COP1: variants seen among roughly 807,000 people sequenced by gnomAD.
COP1 encodes E3 ubiquitin-protein ligase COP1.
COP1 carries 24 observed loss-of-function variants against 101.3 expected under a neutral mutation model. That is an observed-to-expected ratio of 0.24 (90% CI 0.17 to 0.33). COP1 has a LOEUF of 0.33. Ranked by LOEUF, COP1 falls within the 10% of genes least tolerant of loss-of-function variation. The pLI, the probability that COP1 is intolerant of heterozygous loss-of-function variation, is 1.00. For synonymous variants in COP1, 347 were observed against 341.9 expected (o/e 1.01, Z -0.17); for missense variants, 663 against 906.2 (o/e 0.73, Z 3.45).
chr1:176,023,672 C>T (rs1236562218), intron 15 of COP1, among the ~76,000 whole-genome samples: 2 of 143,410 alleles, frequency 1.4e-5, no homozygotes, highest in South Asian at 2.2e-4. Context: ...GAGCTGAGAT[C>T]GTGCCATTGC....
chr1:176,095,572 T>C (rs1056655648), intron 9 of COP1, among the ~76,000 whole-genome samples: 5 of 151,932 alleles, frequency 3.3e-5, no homozygotes, highest in Admixed American at 6.6e-5. Context: ...GTCCCAGCTA[T>C]TGGGGAGGCT....
At chr1:176,007,945 C>A (rs567814059) in intron 15 of COP1, among the ~76,000 whole-genome samples, 22 of 152,308 alleles carry the variant, frequency 1.4e-4, no homozygotes, top group African/African-American at 5.3e-4. Flanking sequence ...CCCCCAGCCT[C>A]GCTGCCGCCT....
chr1:176,069,831 G>A (rs1676657318), intron 11 of COP1, among the ~76,000 whole-genome samples: 2 of 152,172 alleles, frequency 1.3e-5, no homozygotes, highest in South Asian at 4.1e-4. Context: ...AAGATCTCAT[G>A]ATCTAATCCA....
At chr1:175,990,543 T>A (rs1658155446) in intron 15 of COP1, among the ~76,000 whole-genome samples, 1 of 152,172 alleles carries the variant, frequency 6.6e-6, no homozygotes, top group African/African-American at 2.4e-5. Flanking sequence ...CTGCCAATTT[T>A]CTGTCCAGTT....
At chr1:176,157,029 C>G (rs1242343158) in intron 5 of COP1, among the ~76,000 whole-genome samples, 4 of 151,988 alleles carry the variant, frequency 2.6e-5, no homozygotes, top group African/African-American at 9.7e-5. Context: ...GAGACGCCAT[C>G]TCTACCAAAA....
intron 9 of COP1, among the ~76,000 whole-genome samples, chr1:176,097,431 C>T (rs1159773788): frequency 6.6e-6 from 1 of 152,140 alleles, no homozygotes; most frequent in East Asian, 1.9e-4. Context: ...CTCTTAAAGG[C>T]TCCACCTGGA....
intron 3 of COP1, chr1:176,168,666 T>C (rs1185596958): frequency 7.2e-6 from 2 of 278,654 alleles, no homozygotes; most frequent in Non-Finnish European, 1.5e-5. Context: ...AGCCCTTACC[T>C]GAATCAGCCT....
At chr1:175,995,832 G>GTATCA (rs1027950931) in intron 15 of COP1, among the ~76,000 whole-genome samples, 1 of 152,192 alleles carries the variant, frequency 6.6e-6, no homozygotes, top group African/African-American at 2.4e-5. Flanking sequence ...GGAGGAACTG[G>GTATCA]TATCATTCCT....
chr1:176,136,931 T>A (rs1253334513), intron 6 of COP1, among the ~76,000 whole-genome samples: 2 of 151,950 alleles, frequency 1.3e-5, no homozygotes, highest in Non-Finnish European at 2.9e-5. Context: ...TTTTTTTAAA[T>A]AGAGATAGGT....
At chr1:176,081,099 A>T in intron 11 of COP1, 53 bp downstream of exon 11, 1 of 1,448,526 alleles carries the variant, frequency 6.9e-7, no homozygotes, top group Middle Eastern at 1.7e-4. Context: ...CTCAAATTCA[A>T]TTAGATTCTA....
chr1:176,173,201 C>T (rs1039038000), intron 3 of COP1, among the ~76,000 whole-genome samples: 5 of 151,470 alleles, frequency 3.3e-5, no homozygotes, highest in Non-Finnish European at 7.4e-5. Flanking sequence ...ATCCCAGCTA[C>T]TAGGGAGGCT....
At chr1:176,081,719 A>G (rs1679197020) in intron 10 of COP1, among the ~76,000 whole-genome samples, 1 of 152,140 alleles carries the variant, frequency 6.6e-6, no homozygotes, top group Non-Finnish European at 1.5e-5. Context: ...CCCGTTTATA[A>G]TAACATTTTA....
At chr1:176,072,781 CAT>C (rs145102215) in intron 11 of COP1, among the ~76,000 whole-genome samples, 10,302 of 152,102 alleles carry the variant, frequency 0.068, 447 homozygotes, top group Non-Finnish European at 0.087. Context: ...ATCATAGAAA[CAT>C]AAAGTTTAAT....
Position 176,171,068 on chromosome 1 carries a change from G to A in COP1, c.565+4842C>T, listed in dbSNP as rs183979139. ...TGATCCCAGCAGGTGGAGCTTGCAG[G>A]GAGCCGAGATCACACCACTGCACTC... is the stretch of plus-strand genomic sequence containing the variant. On this transcript the variant is annotated intron_variant, in intron 3 of 19. Coordinates refer to ENST00000367669, the MANE Select transcript of COP1 (RefSeq NM_022457.7). 2.3e-4 allele frequency among the ~76,000 whole-genome samples: 32 copies of A among 140,094 alleles called. No individual in the cohort carries two copies. The East Asian group carries it at 5.6e-3, about 24-fold the overall frequency. The allele number at this position is 140,094 out of a possible 152,430, so 91.9% of individuals were successfully genotyped here.
intron 7 of COP1, among the ~76,000 whole-genome samples, chr1:176,136,108 T>C (rs536847101): frequency 6.6e-6 from 1 of 152,168 alleles, no homozygotes; most frequent in South Asian, 2.1e-4. Flanking sequence ...TTCTTATATT[T>C]CTCTTTTAAT....
chr1:176,018,567 CA>C (rs1448124844), intron 15 of COP1: 1 of 151,990 alleles, frequency 6.6e-6, no homozygotes, highest in East Asian at 1.9e-4. Context: ...TTCCTACTCT[CA>C]ATCCTTGAGG....
chr1:176,076,612 C>G (rs150363583), intron 11 of COP1, among the ~76,000 whole-genome samples: 1 of 151,818 alleles, frequency 6.6e-6, no homozygotes, highest in Non-Finnish European at 1.5e-5. Context: ...GAAGAAAAAA[C>G]TAAAATCAGA....
At chr1:175,999,727 C>T (rs1226336238) in intron 15 of COP1, among the ~76,000 whole-genome samples, 2 of 152,020 alleles carry the variant, frequency 1.3e-5, no homozygotes, top group African/African-American at 2.4e-5. Context: ...ATTCCCACCA[C>T]CACTGTACAA....
chr1:176,192,061 T>C (rs1324651937), intron 1 of COP1, among the ~76,000 whole-genome samples: 2 of 152,034 alleles, frequency 1.3e-5, no homozygotes, highest in African/African-American at 2.4e-5. Flanking sequence ...ATACAAGTAA[T>C]AGCCATGAAA....
Sources: allele counts gnomAD v4.1 joint callset (sites outside exome capture counted in the v4.1 genomes callset), GRCh38; gene constraint gnomAD v4.1.1; transcripts MANE v1.5; gene names NCBI Gene and HGNC (gene_info 2026-07-23, HGNC 2026-07-21).